CDK9: variants seen among roughly 807,000 people sequenced by gnomAD.
The protein encoded by CDK9 is cyclin-dependent kinase 9.
CDK9 carries 34 observed loss-of-function variants against 39.0 expected under a neutral mutation model. That is an observed-to-expected ratio of 0.87 (90% CI 0.66 to 1.16). The LOEUF (loss-of-function observed/expected upper bound fraction) is 1.16. Among genes scored for constraint, CDK9 ranks in the 50% most tolerant of loss-of-function variants. The pLI, the probability that CDK9 is intolerant of heterozygous loss-of-function variation, is 0.00. For missense variants in CDK9, 369 were observed against 503.2 expected (o/e 0.73, Z 2.55); for synonymous variants, 233 against 196.2 (o/e 1.19, Z -1.57).
chr9:127,788,193 C>T lies in CDK9; in HGVS notation c.433-21C>T, dbSNP rs754778321. The stretch of plus-strand genomic sequence containing the variant: ...TCCCGGGTGGATGTCACTAAAGGAC[C>T]CACTCTTGCCCTTCCTGCAGATCCT... On this transcript the variant is annotated intron_variant, in intron 4 of 6. Transcript: ENST00000373264. 8.1e-6 allele frequency: 13 copies of T among 1,613,578 alleles called. No homozygotes were observed. In the South Asian group the frequency reaches 1.1e-4, roughly 14 times the overall value.
rs148443856 is a variant in CDK9 at position 127,789,390 on chromosome 9, C to T, written c.966C>T (p.Ser322=). 33 of 1,613,992 alleles carry T rather than the reference C, an allele frequency of 2.0e-5. No homozygotes were observed. Among genetic ancestry groups the T allele is most frequent in the African/African-American group, 1.5e-4 (11 of 75,028 alleles). ...HDFFWSDPMP[S]DLKGMLSTHL... ...TCTTCTGGTCCGACCCCATGCCCTC[C>T]GACCTCAAGGGCATGCTCTCCACCC... is the stretch of plus-strand genomic sequence containing the variant. The change falls in exon 7 of 7, where the codon TCC becomes TCT. Residue 322 remains serine (S), a synonymous_variant. Coordinates refer to ENST00000373264, the MANE Select transcript of CDK9 (RefSeq NM_001261.4). The surrounding 1 kb of genome is among the most constrained non-coding windows in gnomAD (Gnocchi z 5.2).
At position 127,789,101 on chromosome 9, in the gene CDK9, T is replaced by G; in HGVS notation, c.754-77T>G. 1 of 1,494,886 alleles carries G rather than the reference T, an allele frequency of 6.7e-7. No homozygotes were observed. The highest frequency in any genetic ancestry group is 8.9e-7 in the Non-Finnish European group (1 of 1,122,172). 92.6% of individuals were successfully genotyped at this position (1,494,886 alleles called of 1,614,324 possible). On this transcript the variant is annotated intron_variant, in intron 6 of 6. Transcript: ENST00000373264. This position sits in a 1 kb window ranked among gnomAD's most constrained non-coding sequence, Gnocchi z 5.2. Reference sequence around the variant, plus strand: ...CGAGTGGAGCAGGTATTTTAGTCCTTTTAGGCCTTTATGAAGGGATAAGCC... The same window carrying G: ...CGAGTGGAGCAGGTATTTTAGTCCTGTTAGGCCTTTATGAAGGGATAAGCC...
Position 127,789,870 on chromosome 9 carries a change from A to G in CDK9, c.*327A>G, listed in dbSNP as rs1829396740. ...GGGACAGGTCCCTCACCCACCCACA[A>G]TCCTATTCTCGGGCTGAGAACCCTG... On this transcript the variant is annotated 3_prime_UTR_variant, in exon 7 of 7. Transcript: ENST00000373264. This position sits in a 1 kb window ranked among gnomAD's most constrained non-coding sequence, Gnocchi z 5.2. The G allele has an allele frequency of 9.3e-6, 3 of 323,434 alleles. No homozygotes were observed. Among genetic ancestry groups the G allele is most frequent in the Non-Finnish European group, 1.7e-5 (3 of 172,532 alleles). 20.0% of individuals were successfully genotyped at this position (323,434 alleles called of 1,614,324 possible). A position where few individuals can be genotyped will look rare whatever the true frequency, so the allele number is the denominator to read the frequency against.
Position 127,787,954 on chromosome 9 carries a change from CT to C in CDK9, c.274del (p.Tyr92IlefsTer23), listed in dbSNP as rs1829360790. On this transcript the variant is annotated frameshift_variant, in exon 4 of 7. Transcript: ENST00000373264. LOFTEE classifies it high-confidence loss of function. ...TTTCTATTCCTGCCTCAGCTTCCCC[CT>C]ATAACCGCTGCAAGGGTAGTATATA... ...IEICRTKASP[Y>X]NRCKGSIYLV... The C allele has an allele frequency of 4.3e-6, 7 of 1,614,186 alleles. No individual in the cohort carries two copies. Among genetic ancestry groups the C allele is most frequent in the Non-Finnish European group, 5.1e-6 (6 of 1,180,020 alleles).
chr9:127,787,653 G>T, intron 3 of CDK9, 45 bp downstream of exon 3: 1 of 1,431,248 alleles, frequency 7.0e-7, no homozygotes, highest in Non-Finnish European at 9.9e-7. Context: ...TGTAGCCTAA[G>T]GTTTTGTTTG....
At position 127,789,447 on chromosome 9, in the gene CDK9, A is replaced by G; in HGVS notation, c.1023A>G (p.Pro341=). 6.2e-7 allele frequency: 1 copy of G among 1,613,994 alleles called. No homozygotes were observed. Among genetic ancestry groups the G allele is most frequent in the Non-Finnish European group, 8.5e-7 (1 of 1,180,008 alleles). ...CGTCCATGTTCGAGTACTTGGCACC[A>G]CCGCGCCGGAAGGGCAGCCAGATCA... The part of the protein sequence containing the change: ...HLTSMFEYLA[P]PRRKGSQITQ... Residue 341 remains proline (P), a synonymous_variant, in exon 7 of 7, where the codon CCA becomes CCG. Coordinates refer to ENST00000373264, the MANE Select transcript of CDK9 (RefSeq NM_001261.4). The surrounding 1 kb of genome is among the most constrained non-coding windows in gnomAD (Gnocchi z 5.2).
chr9:127,789,862 C>A lies in CDK9; in HGVS notation c.*319C>A. ...TGGAAGAGGGGACAGGTCCCTCACC[C>A]ACCCACAATCCTATTCTCGGGCTGA... On this transcript the variant is annotated 3_prime_UTR_variant, in exon 7 of 7. Transcript: ENST00000373264. This position sits in a 1 kb window ranked among gnomAD's most constrained non-coding sequence, Gnocchi z 5.2. 2.9e-6 allele frequency: 1 copy of A among 350,016 alleles called. No individual in the cohort carries two copies. Among genetic ancestry groups the A allele is most frequent in the Non-Finnish European group, 5.3e-6 (1 of 188,270 alleles). The allele number at this position is 350,016 out of a possible 1,614,324, so 21.7% of individuals were successfully genotyped here.
Position 127,786,116 on chromosome 9 carries a change from A to C in CDK9, c.-33A>C. On this transcript the variant is annotated 5_prime_UTR_variant, in exon 1 of 7. Transcript: ENST00000373264. ...CGGAGCAGGAGCGGCGGCAGCAGCG[A>C]CTGGGGGCGGCGGCGGCGCGTTGGA... 6.5e-7 allele frequency: 1 copy of C among 1,537,692 alleles called. No homozygotes were observed. Among genetic ancestry groups the C allele is most frequent in the Non-Finnish European group, 8.9e-7 (1 of 1,126,582 alleles).
rs1424286307 is a variant in CDK9 at position 127,787,505 on chromosome 9, C to G, written c.175-13C>G. On this transcript the variant is annotated splice_polypyrimidine_tract_variant and intron_variant, in intron 2 of 6. Coordinates refer to ENST00000373264, the MANE Select transcript of CDK9 (RefSeq NM_001261.4). ...CGCTCACTCTTGACCACTTTCCCCT[C>G]TTTCTCACCCAGTTCCCCATTACAG... 6 of 1,601,408 alleles carry G rather than the reference C, an allele frequency of 3.7e-6. No homozygotes were observed. The African/African-American group carries it at 8.0e-5, about 21-fold the overall frequency.
At chr9:127,786,428 G>C (rs1040791666) in intron 1 of CDK9, among the ~76,000 whole-genome samples, 188 bp downstream of exon 1, 15 of 152,152 alleles carry the variant, frequency 9.9e-5, no homozygotes, top group African/African-American at 3.6e-4. Flanking sequence ...CCTGAGGCCC[G>C]TGGTGGGGGC....
intron 2 of CDK9, 43 bp downstream of exon 2, chr9:127,786,825 G>A: frequency 6.4e-7 from 1 of 1,572,210 alleles, no homozygotes. Flanking sequence ...CTAACTGCCC[G>A]GGACCCCGGG....
rs1487085066 is a variant in CDK9 at position 127,787,577 on chromosome 9, G to A, written c.234G>A (p.Val78=). The change falls in exon 3 of 7, where the codon GTG becomes GTA. Residue 78 remains valine (V), a synonymous_variant. Transcript: ENST00000373264. ...KILQLLKHEN[V]VNLIEICRTK... ...TTCAGCTTCTAAAACACGAGAATGT[G>A]GTCAACTTGATTGAGATTTGTCGAA... 6.2e-7 allele frequency: 1 copy of A among 1,613,232 alleles called. No homozygotes were observed. The highest frequency in any genetic ancestry group is 1.7e-5 in the Admixed American group (1 of 60,018).
In CDK9 at chr9:127,789,413, C is replaced by T; in HGVS notation, c.989C>T (p.Thr330Ile). 1 of 1,614,120 alleles carries T rather than the reference C, an allele frequency of 6.2e-7. No homozygotes were observed. The highest frequency in any genetic ancestry group is 1.3e-5 in the African/African-American group (1 of 75,056). The change falls in exon 7 of 7, where the codon ACC becomes ATC. Residue 330 changes from threonine (T) to isoleucine (I), a missense_variant. Physicochemically the swap from Thr to Ile is moderately conservative, Grantham distance 89 (BLOSUM62 -1). Coordinates refer to ENST00000373264, the MANE Select transcript of CDK9 (RefSeq NM_001261.4). The surrounding 1 kb of genome is among the most constrained non-coding windows in gnomAD (Gnocchi z 5.2). Reference protein sequence around the residue: ...MPSDLKGMLSTHLTSMFEYLA... With the variant: ...MPSDLKGMLSIHLTSMFEYLA... ...TCCGACCTCAAGGGCATGCTCTCCA[C>T]CCACCTGACGTCCATGTTCGAGTAC...
In CDK9 at chr9:127,787,628, C is replaced by T. The variant is rs200917975; in HGVS notation, c.265+20C>T. 8 of 1,545,142 alleles carry T rather than the reference C, an allele frequency of 5.2e-6. No individual in the cohort carries two copies. Among genetic ancestry groups the T allele is most frequent in the African/African-American group, 2.7e-5 (2 of 73,470 alleles). On this transcript the variant is annotated intron_variant, in intron 3 of 6. Coordinates refer to ENST00000373264, the MANE Select transcript of CDK9 (RefSeq NM_001261.4). ...CCAAAGGTAAGTTATTTGGTTCTTA[C>T]GAGAAGATGACACTTGTAGCCTAAG...
chr9:127,789,169 C>T lies in CDK9; in HGVS notation c.754-9C>T. The T allele has an allele frequency of 6.4e-7, 1 of 1,553,362 alleles. No individual in the cohort carries two copies. Among genetic ancestry groups the T allele is most frequent in the South Asian group, 1.2e-5 (1 of 82,816 alleles). ...ACTCCATATTCTCTCAACGCCCCCT[C>T]CCTCCCAGGTGTGGCCAAACGTGGA... On this transcript the variant is annotated splice_polypyrimidine_tract_variant and intron_variant, in intron 6 of 6. Transcript: ENST00000373264. The surrounding 1 kb of genome is among the most constrained non-coding windows in gnomAD (Gnocchi z 5.2).
At position 127,789,535 on chromosome 9, in the gene CDK9, G is replaced by A. The variant is rs761350967; in HGVS notation, c.1111G>A (p.Val371Ile). The A allele has an allele frequency of 4.3e-6, 7 of 1,613,416 alleles. No individual in the cohort carries two copies. Among genetic ancestry groups the A allele is most frequent in the Admixed American group, 1.7e-5 (1 of 60,022 alleles). Residue 371 changes from valine (V) to isoleucine (I), a missense_variant, in exon 7 of 7, where the codon GTC becomes ATC. Coordinates refer to ENST00000373264, the MANE Select transcript of CDK9 (RefSeq NM_001261.4). The surrounding 1 kb of genome is among the most constrained non-coding windows in gnomAD (Gnocchi z 5.2). The stretch of plus-strand genomic sequence containing the variant: ...CACCAACCAGACGGAGTTTGAGCGC[G>A]TCTTCTGAGGGCCGGCGCTTGCCAC... The part of the protein sequence containing the change: ...ATTNQTEFER[V>I]F
In CDK9 at chr9:127,788,351, G is replaced by A. The variant is rs1829368267; in HGVS notation, c.570G>A (p.Val190=). 2 of 1,612,820 alleles carry A rather than the reference G, an allele frequency of 1.2e-6. No individual in the cohort carries two copies. Among genetic ancestry groups the A allele is most frequent in the African/African-American group, 2.7e-5 (2 of 74,950 alleles). ...CCAACCGCTACACCAACCGTGTGGT[G>A]ACACTCTGGTACCGGCCCCCGGAGC... ...SQPNRYTNRV[V]TLWYRPPELL... Residue 190 remains valine, a synonymous_variant, in exon 5 of 7, where the codon GTG becomes GTA. Transcript: ENST00000373264.
In CDK9 at chr9:127,789,097, TC is replaced by T; in HGVS notation, c.754-79del. 6.7e-7 allele frequency: 1 copy of T among 1,484,938 alleles called. No homozygotes were observed. Among genetic ancestry groups the T allele is most frequent in the Non-Finnish European group, 9.0e-7 (1 of 1,115,592 alleles). 92.0% of individuals were successfully genotyped at this position (1,484,938 alleles called of 1,614,324 possible). A position where few individuals can be genotyped will look rare whatever the true frequency, so the allele number is the denominator to read the frequency against. On this transcript the variant is annotated intron_variant, in intron 6 of 6. Coordinates refer to ENST00000373264, the MANE Select transcript of CDK9 (RefSeq NM_001261.4). This position sits in a 1 kb window ranked among gnomAD's most constrained non-coding sequence, Gnocchi z 5.2. ...CCTCCGAGTGGAGCAGGTATTTTAGTCCTTTTAGGCCTTTATGAAGGGATAA... is the reference window on the plus strand; with the variant it reads ...CCTCCGAGTGGAGCAGGTATTTTAGTCTTTTAGGCCTTTATGAAGGGATAA...
intron 1 of CDK9, 100 bp from the exon 2 acceptor site, chr9:127,786,601 C>A (rs576021592): frequency 2.6e-5 from 28 of 1,096,412 alleles, no homozygotes; most frequent in Admixed American, 1.7e-4. Flanking sequence ...CAGCCCCGCC[C>A]GGGAATCTCT....
Sources: allele counts gnomAD v4.1 joint callset (sites outside exome capture counted in the v4.1 genomes callset), GRCh38; gene constraint gnomAD v4.1.1; non-coding constraint Gnocchi (gnomAD v3.1); transcripts MANE v1.5; gene names NCBI Gene and HGNC (gene_info 2026-07-23, HGNC 2026-07-21).